The following MYO6 variants were observed in gnomAD, a reference collection of about 807,000 sequenced individuals.
MYO6 encodes unconventional myosin-VI.
MYO6 carries 74 observed loss-of-function variants against 178.7 expected under a neutral mutation model. That is an observed-to-expected ratio of 0.41 (90% CI 0.34 to 0.50). The LOEUF (loss-of-function observed/expected upper bound fraction) is 0.50, where lower values mean the gene tolerates loss of function less well. Ranked by LOEUF, MYO6 falls within the 20% of genes least tolerant of loss-of-function variation. MYO6 has a pLI of 0.09. For synonymous variants in MYO6, 477 were observed against 504.6 expected (o/e 0.95, Z 0.73); for missense variants, 1,330 against 1,547.4 (o/e 0.86, Z 2.36).
In MYO6 at chr6:75,817,555, A is replaced by G; in HGVS notation, c.8A>G (p.Asp3Gly). Residue 3 changes from aspartate (D) to glycine (G), a missense_variant, in exon 2 of 35, where the codon GAT (aspartate) becomes GGT (glycine). This residue lies in a region of MYO6 where 116 missense variants were observed against 104.6 expected (regional missense o/e 1.11). Transcript: ENST00000369977. Reference sequence around the variant, plus strand: ...GTGGATCCTCCTTCAAAAATGGAGGATGGAAAGCCCGTTTGGGCGCCACAC... The same window carrying G: ...GTGGATCCTCCTTCAAAAATGGAGGGTGGAAAGCCCGTTTGGGCGCCACAC... ME[D>G]GKPVWAPHPT... 1 of 1,614,140 alleles carries G rather than the reference A, an allele frequency of 6.2e-7. No individual in the cohort carries two copies. The highest frequency in any genetic ancestry group is 8.5e-7 in the Non-Finnish European group (1 of 1,179,962).
chr6:75,853,216 A>G (rs1185109822), intron 11 of MYO6, among the ~76,000 whole-genome samples: 3 of 152,192 alleles, frequency 2.0e-5, no homozygotes, highest in African/African-American at 7.2e-5. Context: ...AAGAGTTTTG[A>G]AAATATATTC....
intron 23 of MYO6, 48 bp downstream of exon 23, chr6:75,881,866 G>T: frequency 6.2e-7 from 1 of 1,606,492 alleles, no homozygotes; most frequent in Non-Finnish European, 8.5e-7. Flanking sequence ...GTTTCAAGAT[G>T]GTTTGTGGAG....
rs111567888 is a variant in MYO6 at position 75,840,394 on chromosome 6, C to T, written c.554-191C>T. 3.0e-3 allele frequency among the ~76,000 whole-genome samples: 464 copies of T among 152,184 alleles called. 5 individuals carry two copies. Among genetic ancestry groups the T allele is most frequent in the African/African-American group, 0.011 (441 of 41,510 alleles). ...GCCAGGTTGGTCTCGAACTCCTGAC[C>T]TCGTGATCCACCTGCCTCGGCCTCC... is the stretch of plus-strand genomic sequence containing the variant. On this transcript the variant is annotated intron_variant, in intron 7 of 34. Coordinates refer to ENST00000369977, the MANE Select transcript of MYO6 (RefSeq NM_004999.4).
intron 1 of MYO6, among the ~76,000 whole-genome samples, chr6:75,752,475 A>G (rs1776982651): frequency 6.6e-6 from 1 of 152,226 alleles, no homozygotes. Flanking sequence ...GTCTCAAAGA[A>G]TTAAATGCTT....
At chr6:75,887,156 C>CT (rs1778499663) in intron 25 of MYO6, among the ~76,000 whole-genome samples, 162 bp downstream of exon 25, 1 of 152,138 alleles carries the variant, frequency 6.6e-6, no homozygotes, top group East Asian at 1.9e-4. Context: ...TACCTCTACT[C>CT]TTTATGTTTG....
chr6:75,894,710 T>C, intron 28 of MYO6: 1 of 690,176 alleles, frequency 1.4e-6, no homozygotes, highest in Non-Finnish European at 2.2e-6. Context: ...AGTAAACTGT[T>C]CTTAATCTAT....
chr6:75,830,759 C>T (rs1041587359), intron 5 of MYO6, among the ~76,000 whole-genome samples: 1 of 152,154 alleles, frequency 6.6e-6, no homozygotes, highest in Admixed American at 6.6e-5. Context: ...GCAGGCTTAC[C>T]ATACATCATT....
intron 12 of MYO6, 64 bp downstream of exon 12, chr6:75,855,347 A>C: frequency 6.5e-7 from 1 of 1,526,950 alleles, no homozygotes; most frequent in Admixed American, 1.7e-5. Context: ...GAAAAACATA[A>C]GTTACATTCT....
At chr6:75,840,766 A>G in intron 8 of MYO6, 84 bp downstream of exon 8, 1 of 951,898 alleles carries the variant, frequency 1.1e-6, no homozygotes, top group Non-Finnish European at 1.7e-6. Context: ...ATTTGCACTT[A>G]ATGGTAAATA....
chr6:75,863,325 C>T (rs566199269), intron 16 of MYO6, among the ~76,000 whole-genome samples: 1 of 152,210 alleles, frequency 6.6e-6, no homozygotes, highest in Admixed American at 6.5e-5. Context: ...TTCATTTTGA[C>T]CCTCTTTCCT....
intron 1 of MYO6, among the ~76,000 whole-genome samples, chr6:75,797,396 G>T (rs2150106668): frequency 6.6e-6 from 1 of 152,226 alleles, no homozygotes; most frequent in East Asian, 1.9e-4. Context: ...TCCAGTGTGT[G>T]TATTTATTTT....
chr6:75,784,120 T>G (rs1158619880), intron 1 of MYO6, among the ~76,000 whole-genome samples: 2 of 151,994 alleles, frequency 1.3e-5, no homozygotes, highest in Non-Finnish European at 2.9e-5. Context: ...CACAGGCGCA[T>G]GCCACCATGC....
intron 1 of MYO6, among the ~76,000 whole-genome samples, chr6:75,758,874 C>CTT (rs112712452): frequency 7.0e-5 from 10 of 141,868 alleles, no homozygotes; most frequent in South Asian, 6.8e-4. Flanking sequence ...TTGTATAGAT[C>CTT]TTTTTTTTTT....
chr6:75,897,729 A>G (rs1229492035), intron 29 of MYO6, among the ~76,000 whole-genome samples: 3 of 152,268 alleles, frequency 2.0e-5, no homozygotes, highest in Non-Finnish European at 2.9e-5. Context: ...TCTGTTTTAA[A>G]GAATTAAACA....
chr6:75,908,625 A>T lies in MYO6; in HGVS notation c.3410A>T (p.Tyr1137Phe). The change falls in exon 32 of 35, where the codon TAT (tyrosine) becomes TTT (phenylalanine). Residue 1137 changes from tyrosine (Y) to phenylalanine (F), a missense_variant and splice_region_variant. Physicochemically the swap from Tyr to Phe is conservative, Grantham distance 22 (BLOSUM62 3). This residue lies in a region of MYO6 where 601 missense variants were observed against 626.1 expected (regional missense o/e 0.96). Transcript: ENST00000369977. ...EQRAPKSVTD[Y>F]DFAPFLNNSP... ...CGTGCTCCAAAGTCTGTTACTGATTATGGTAAAGAGAAATCTGTACTTTTG... is the reference window on the plus strand; with the variant it reads ...CGTGCTCCAAAGTCTGTTACTGATTTTGGTAAAGAGAAATCTGTACTTTTG... 1 of 1,613,402 alleles carries T rather than the reference A, an allele frequency of 6.2e-7. No individual in the cohort carries two copies.
intron 20 of MYO6, among the ~76,000 whole-genome samples, chr6:75,875,822 T>G (rs1303647459): frequency 6.6e-6 from 1 of 152,192 alleles, no homozygotes; most frequent in East Asian, 1.9e-4. Flanking sequence ...CTCCTATCTC[T>G]TCAGTCTGTT....
chr6:75,782,282 A>G (rs1001050370), intron 1 of MYO6, among the ~76,000 whole-genome samples: 1 of 152,142 alleles, frequency 6.6e-6, no homozygotes, highest in African/African-American at 2.4e-5. Context: ...ATATTGTCAT[A>G]GATTTTGTGG....
chr6:75,790,632 G>T (rs1294252149), intron 1 of MYO6, among the ~76,000 whole-genome samples: 1 of 152,036 alleles, frequency 6.6e-6, no homozygotes, highest in Non-Finnish European at 1.5e-5. Flanking sequence ...GCCTGCCTCG[G>T]CCTCCCAATG....
chr6:75,762,088 C>T (rs569052723), intron 1 of MYO6, among the ~76,000 whole-genome samples: 4 of 152,230 alleles, frequency 2.6e-5, no homozygotes, highest in Non-Finnish European at 4.4e-5. Context: ...TCAGCCACCA[C>T]GCCCAGCTAA....
Sources: allele counts gnomAD v4.1 joint callset (sites outside exome capture counted in the v4.1 genomes callset), GRCh38; gene constraint gnomAD v4.1.1; regional missense constraint gnomAD v4.1.1; transcripts MANE v1.5; gene names NCBI Gene and HGNC (gene_info 2026-07-23, HGNC 2026-07-21).